ZBTB38: variants seen among roughly 807,000 people sequenced by gnomAD.
ZBTB38 encodes the protein zinc finger and BTB domain containing 38.
Under a neutral mutation model 76.8 loss-of-function variants are expected in ZBTB38, and 20 were observed. The observed-to-expected ratio is 0.26, with a 90% CI of 0.18 to 0.38. The LOEUF is 0.38. ZBTB38 is among the 10% of genes least tolerant of loss of function. ZBTB38 has a pLI of 1.00. For synonymous variants in ZBTB38, 504 were observed against 544.2 expected (o/e 0.93, Z 1.03); for missense variants, 1,082 against 1,482.3 (o/e 0.73, Z 4.43).
chr3:141,421,503 T>C (rs2075365596), intron 5 of ZBTB38, among the ~76,000 whole-genome samples: 2 of 152,094 alleles, frequency 1.3e-5, no homozygotes, highest in African/African-American at 4.8e-5. Flanking sequence ...TTTTTTGTTT[T>C]GTTTTGTTTT....
intron 1 of ZBTB38, among the ~76,000 whole-genome samples, chr3:141,351,684 C>T (rs1235335007): frequency 2.0e-5 from 3 of 146,604 alleles, no homozygotes; most frequent in Non-Finnish European, 4.5e-5. Context: ...CATTCCACTG[C>T]ACTCCAGCCT....
chr3:141,372,273 A>G (rs2149040320), intron 2 of ZBTB38, among the ~76,000 whole-genome samples: 1 of 152,312 alleles, frequency 6.6e-6, no homozygotes, highest in South Asian at 2.1e-4. Context: ...CAGCCTCTGA[A>G]AGTCTGTCTT....
Position 141,445,255 on chromosome 3 carries a change from C to A in ZBTB38, c.2867C>A (p.Ala956Glu), listed in dbSNP as rs779532815. ...CCGAGCCATAAATGTAAATACCCAG[C>A]AGAACTGGATTGCGCCGTGGGGAAG... ...RSPSHKCKYP[A>E]ELDCAVGKAP... The change falls in exon 6 of 6, where the codon GCA becomes GAA. Residue 956 changes from alanine (A) to glutamate (E), a missense_variant. Ala to Glu is a moderately radical substitution (Grantham distance 107). Around this residue, in one of 8 missense-constraint regions of ZBTB38, gnomAD observed 471 missense variants for 581.0 expected, o/e 0.81. Transcript: ENST00000321464. The surrounding 1 kb of genome is among the most constrained non-coding windows in gnomAD (Gnocchi z 6.5). The A allele has an allele frequency of 6.8e-6, 11 of 1,614,052 alleles. No homozygotes were observed. Among genetic ancestry groups the A allele is most frequent in the Non-Finnish European group, 1.7e-6 (2 of 1,180,036 alleles).
intron 4 of ZBTB38, among the ~76,000 whole-genome samples, chr3:141,397,428 G>C (rs565515353): frequency 2.0e-5 from 3 of 152,160 alleles, no homozygotes; most frequent in South Asian, 2.1e-4. Flanking sequence ...CAGCAATAAG[G>C]CTTTCTTATC....
At chr3:141,325,041 CAAACT>C (rs1942630725) in intron 1 of ZBTB38, among the ~76,000 whole-genome samples, 1 of 152,148 alleles carries the variant, frequency 6.6e-6, no homozygotes, top group Non-Finnish European at 1.5e-5. Context: ...TTTTCAAAAG[CAAACT>C]AAAACAGTGA....
intron 1 of ZBTB38, among the ~76,000 whole-genome samples, chr3:141,339,845 G>A (rs4683602): frequency 0.15 from 22,167 of 152,164 alleles, 2,810 homozygotes; most frequent in African/African-American, 0.33. Context: ...AAAAGAGTCC[G>A]GGCTAGAGAT....
chr3:141,349,679 G>C (rs1392998060), intron 1 of ZBTB38, among the ~76,000 whole-genome samples: 1 of 152,120 alleles, frequency 6.6e-6, no homozygotes, highest in Admixed American at 6.5e-5. Context: ...GAAGTGAGCT[G>C]AGATCATGCC....
chr3:141,345,277 T>C (rs1157747176), intron 1 of ZBTB38, among the ~76,000 whole-genome samples: 3 of 152,042 alleles, frequency 2.0e-5, no homozygotes, highest in Admixed American at 6.5e-5. Context: ...ACTTTTTTTT[T>C]TTTTAATGGC....
upstream of ZBTB38, chr3:141,368,498 G>A (rs891854719): frequency 1.3e-5 from 2 of 152,282 alleles, no homozygotes; most frequent in African/African-American, 2.4e-5. Context: ...CTGAAGCCAG[G>A]AAACTAGTTG....
chr3:141,340,760 G>C (rs1423066100), intron 1 of ZBTB38, among the ~76,000 whole-genome samples: 1 of 151,744 alleles, frequency 6.6e-6, no homozygotes, highest in Admixed American at 6.6e-5. Context: ...AGCCGGGTGT[G>C]GTGGCGGGCA....
chr3:141,404,201 C>T (rs1407584268), intron 5 of ZBTB38, among the ~76,000 whole-genome samples, 170 bp downstream of exon 5: 1 of 152,146 alleles, frequency 6.6e-6, no homozygotes, highest in Non-Finnish European at 1.5e-5. Context: ...GTGAAGCCCC[C>T]GTGATGAAGG....
intron 1 of ZBTB38, among the ~76,000 whole-genome samples, chr3:141,352,407 T>G (rs1156954988): frequency 6.6e-6 from 1 of 151,998 alleles, no homozygotes; most frequent in Non-Finnish European, 1.5e-5. Flanking sequence ...ATCAGAATGT[T>G]GTAGAAGGGG....
chr3:141,392,769 A>G (rs1238828079), intron 4 of ZBTB38: 1 of 152,188 alleles, frequency 6.6e-6, no homozygotes, highest in East Asian at 1.9e-4. Flanking sequence ...CAAAAATTTG[A>G]ATTTGTGATG....
intron 1 of ZBTB38, among the ~76,000 whole-genome samples, chr3:141,339,433 G>A (rs965739142): frequency 6.6e-6 from 1 of 152,172 alleles, no homozygotes; most frequent in Non-Finnish European, 1.5e-5. Context: ...ATGTTGGTAG[G>A]TGGGGAAGAG....
intron 4 of ZBTB38, among the ~76,000 whole-genome samples, chr3:141,390,527 C>T (rs1245755872): frequency 6.6e-6 from 1 of 152,176 alleles, no homozygotes; most frequent in East Asian, 1.9e-4. Context: ...CATGGATCCC[C>T]CGGAGATGGA....
In ZBTB38 at chr3:141,443,601, A is replaced by C. The variant is rs1475181549; in HGVS notation, c.1213A>C (p.Asn405His). 1 of 1,614,222 alleles carries C rather than the reference A, an allele frequency of 6.2e-7. No individual in the cohort carries two copies. Among genetic ancestry groups the C allele is most frequent in the Non-Finnish European group, 8.5e-7 (1 of 1,180,030 alleles). Residue 405 changes from asparagine to histidine, a missense_variant, in exon 6 of 6, where the codon AAC becomes CAC. Around this residue, in one of 8 missense-constraint regions of ZBTB38, gnomAD observed 324 missense variants for 359.1 expected, o/e 0.90. Coordinates refer to ENST00000321464, the MANE Select transcript of ZBTB38 (RefSeq NM_001376113.1). This position sits in a 1 kb window ranked among gnomAD's most constrained non-coding sequence, Gnocchi z 5.6. ...AAGCCACATGCCCATTCCTGGAGGAAACCAACGCTTTTTAGAAAACTATCC... is the reference window on the plus strand; with the variant it reads ...AAGCCACATGCCCATTCCTGGAGGACACCAACGCTTTTTAGAAAACTATCC... ...RSSHMPIPGG[N>H]QRFLENYPTI...
At chr3:141,363,054 C>G (rs1161406200) in intron 1 of ZBTB38, among the ~76,000 whole-genome samples, 1 of 152,118 alleles carries the variant, frequency 6.6e-6, no homozygotes, top group African/African-American at 2.4e-5. Context: ...ACATTACATG[C>G]AGCTAATAAA....
intron 4 of ZBTB38, chr3:141,402,524 C>G (rs932007223): frequency 1.3e-5 from 2 of 149,642 alleles, no homozygotes; most frequent in East Asian, 2.0e-4. Flanking sequence ...GCGCGGCGCC[C>G]GTGGCGCCGC....
intron 5 of ZBTB38, among the ~76,000 whole-genome samples, chr3:141,405,419 G>A (rs1379395297): frequency 6.6e-6 from 1 of 152,152 alleles, no homozygotes; most frequent in East Asian, 1.9e-4. Context: ...CCTGCTTATA[G>A]AGGCCTTTTC....
Sources: allele counts gnomAD v4.1 joint callset (sites outside exome capture counted in the v4.1 genomes callset), GRCh38; gene constraint gnomAD v4.1.1; regional missense constraint gnomAD v4.1.1; non-coding constraint Gnocchi (gnomAD v3.1); transcripts MANE v1.5; gene names NCBI Gene and HGNC (gene_info 2026-07-23, HGNC 2026-07-21).